Variants in GTPBP1 observed in about 807,000 individuals in gnomAD.
GTPBP1 encodes the protein GTP-binding protein 1.
A neutral mutation model predicts 62.0 loss-of-function variants in GTPBP1; 23 were observed. The observed-to-expected ratio is 0.37, with a 90% CI of 0.27 to 0.53. The LOEUF (loss-of-function observed/expected upper bound fraction) is 0.53, where lower values mean the gene tolerates loss of function less well. Ranked by LOEUF, GTPBP1 falls within the 20% of genes least tolerant of loss-of-function variation. The pLI, the probability that GTPBP1 is intolerant of heterozygous loss-of-function variation, is 0.89. For synonymous variants in GTPBP1, 344 were observed against 364.4 expected, an observed-to-expected ratio of 0.94 and a Z score of 0.64; for missense variants, 640 against 917.3, an observed-to-expected ratio of 0.70 and a Z score of 3.90.
At chr22:38,728,566 G>C (rs1443141569) in intron 10 of GTPBP1, 1 of 224,316 alleles carries the variant, frequency 4.5e-6, no homozygotes, top group Non-Finnish European at 9.2e-6. Flanking sequence ...GGCTTAAGCT[G>C]TTGGTGTATC....
intron 1 of GTPBP1, among the ~76,000 whole-genome samples, chr22:38,708,008 A>G (rs1264236739): frequency 4.6e-5 from 7 of 152,212 alleles, no homozygotes; most frequent in Admixed American, 2.0e-4. Context: ...TTTTCTGGGA[A>G]TGATTGGGTG....
chr22:38,724,464 C>A, intron 6 of GTPBP1, 53 bp downstream of exon 6: 1 of 1,041,822 alleles, frequency 9.6e-7, no homozygotes, highest in Non-Finnish European at 1.5e-6. Flanking sequence ...GGCAGGACCA[C>A]AGTGAGTGAT....
At chr22:38,736,089 A>C (rs1465967217), downstream of GTPBP1, 1 of 685,226 alleles carries the variant, frequency 1.5e-6, no homozygotes, top group Non-Finnish European at 2.7e-6. Flanking sequence ...GGAGCCTGCT[A>C]ACCGCCTCGA....
intron 4 of GTPBP1, among the ~76,000 whole-genome samples, chr22:38,719,734 A>G (rs1036124629): frequency 2.0e-5 from 3 of 151,832 alleles, no homozygotes; most frequent in Non-Finnish European, 2.9e-5. Context: ...ACACTTCAGC[A>G]TACAGCTCCT....
At chr22:38,720,092 C>A (rs186767966) in intron 4 of GTPBP1, among the ~76,000 whole-genome samples, 1,992 of 152,022 alleles carry the variant, frequency 0.013, 11 homozygotes, top group Non-Finnish European at 0.023. Context: ...CGATGCCCAG[C>A]TAATTTTTTG....
chr22:38,736,719 C>G, downstream of GTPBP1: 1 of 197,468 alleles, frequency 5.1e-6, no homozygotes, highest in Non-Finnish European at 1.0e-5. Context: ...TCTCCAGTGC[C>G]CATCGGGCCT....
intron 2 of GTPBP1, among the ~76,000 whole-genome samples, chr22:38,715,309 T>C (rs1456717393): frequency 1.3e-5 from 2 of 152,144 alleles, no homozygotes; most frequent in Non-Finnish European, 2.9e-5. Flanking sequence ...ACCTCTCATG[T>C]AGTCTCCCGA....
chr22:38,725,918 C>T (rs2092724223), intron 6 of GTPBP1, 88 bp from the exon 7 acceptor site: 4 of 1,259,148 alleles, frequency 3.2e-6, no homozygotes, highest in Non-Finnish European at 4.6e-6. Flanking sequence ...TCCTCGAGCC[C>T]TGTTGCTGCC....
At chr22:38,741,064 A>G, downstream of GTPBP1, 3 of 1,592,166 alleles carry the variant, frequency 1.9e-6, no homozygotes, top group Non-Finnish European at 2.6e-6. Context: ...TGTAGGAAGA[A>G]GGGACAAATA....
At chr22:38,742,177 G>T, downstream of GTPBP1, 1 of 1,230,126 alleles carries the variant, frequency 8.1e-7, no homozygotes. Flanking sequence ...AAGAGAAAGG[G>T]AGTAACTGCA....
chr22:38,738,543 TC>T, downstream of GTPBP1: 1 of 1,591,372 alleles, frequency 6.3e-7, no homozygotes, highest in Non-Finnish European at 8.6e-7. This position sits in a 1 kb window ranked among gnomAD's most constrained non-coding sequence, Gnocchi z 6.6. Context: ...GCCCACAGGA[TC>T]CCCCTGCAGC....
intron 2 of GTPBP1, among the ~76,000 whole-genome samples, chr22:38,715,251 C>G (rs922871896): frequency 6.6e-6 from 1 of 152,158 alleles, no homozygotes; most frequent in African/African-American, 2.4e-5. Context: ...TGTCTCAATG[C>G]CTGGTGCAGA....
rs376478822 is a variant in GTPBP1 at position 38,726,196 on chromosome 22, G to C, written c.1218+46G>C. 2.5e-6 allele frequency: 4 copies of C among 1,609,160 alleles called. No homozygotes were observed. In the African/African-American group the frequency reaches 5.3e-5, roughly 22 times the overall value. On this transcript the variant is annotated intron_variant, in intron 7 of 11. Transcript: ENST00000216044. The surrounding 1 kb of genome is among the most constrained non-coding windows in gnomAD (Gnocchi z 4.1). ...AGCTGGGTGGGCACTTCCTACAGTG[G>C]CATCAGGGGGTGGGTCTGTGCTGGG...
chr22:38,716,612 A>G lies in GTPBP1; in HGVS notation c.486-40A>G, dbSNP rs933690024. The G allele has an allele frequency of 4.2e-6, 6 of 1,442,574 alleles. No homozygotes were observed. In the African/African-American group the frequency reaches 7.0e-5, roughly 17 times the overall value. 89.4% of individuals were successfully genotyped at this position (1,442,574 alleles called of 1,614,324 possible). On this transcript the variant is annotated intron_variant, in intron 3 of 11. Transcript: ENST00000216044. This position sits in a 1 kb window ranked among gnomAD's most constrained non-coding sequence, Gnocchi z 5.2. ...GATGGTCGCTCCACCTCACTCATTCACTAACTCTCACATAGATGTATGGGT... is the reference window on the plus strand; with the variant it reads ...GATGGTCGCTCCACCTCACTCATTCGCTAACTCTCACATAGATGTATGGGT...
At position 38,732,444 on chromosome 22, in the gene GTPBP1, C is replaced by G. The variant is rs1372330445; in HGVS notation, c.*1740C>G. The G allele has an allele frequency of 6.6e-6, 1 of 152,282 alleles. No homozygotes were observed. The highest frequency in any genetic ancestry group is 2.4e-5 in the African/African-American group (1 of 41,456). The allele number at this position is 152,282 out of a possible 1,614,324, so 9.4% of individuals were successfully genotyped here. On this transcript the variant is annotated 3_prime_UTR_variant, in exon 12 of 12. Transcript: ENST00000216044. Reference sequence around the variant, plus strand: ...CACGGGACAAGCTTACAAACCTTCTCTGAACCTCAGTTTTCTCATTTACAA... The same window carrying G: ...CACGGGACAAGCTTACAAACCTTCTGTGAACCTCAGTTTTCTCATTTACAA...
intron 4 of GTPBP1, among the ~76,000 whole-genome samples, chr22:38,720,083 G>A (rs944674535): frequency 2.0e-5 from 3 of 149,194 alleles, no homozygotes; most frequent in African/African-American, 7.4e-5. Flanking sequence ...CGCCCGCCAC[G>A]ATGCCCAGCT....
downstream of GTPBP1, chr22:38,738,761 G>A: frequency 6.2e-7 from 1 of 1,612,798 alleles, no homozygotes; most frequent in Non-Finnish European, 8.5e-7. This position sits in a 1 kb window ranked among gnomAD's most constrained non-coding sequence, Gnocchi z 6.6. Context: ...CTGGCTGGAG[G>A]AGCAGAAAGT....
chr22:38,718,473 A>G (rs550027974), intron 4 of GTPBP1, among the ~76,000 whole-genome samples: 3 of 152,340 alleles, frequency 2.0e-5, no homozygotes, highest in East Asian at 3.9e-4. Context: ...AAAAATATTT[A>G]AAATATATAG....
chr22:38,721,660 C>T, intron 4 of GTPBP1, 82 bp from the exon 5 acceptor site: 2 of 1,373,824 alleles, frequency 1.5e-6, no homozygotes, highest in African/African-American at 1.4e-5. Context: ...CTTTCATCCA[C>T]ATCTGCTTTT....
Sources: allele counts gnomAD v4.1 joint callset (sites outside exome capture counted in the v4.1 genomes callset), GRCh38; gene constraint gnomAD v4.1.1; non-coding constraint Gnocchi (gnomAD v3.1); transcripts MANE v1.5; gene names NCBI Gene and HGNC (gene_info 2026-07-23, HGNC 2026-07-21).